The following RABGAP1L variants were observed in gnomAD, a reference collection of about 807,000 sequenced individuals.
RABGAP1L encodes rab GTPase-activating protein 1-like.
RABGAP1L carries 63 observed loss-of-function variants against 137.7 expected under a neutral mutation model. The observed-to-expected ratio is 0.46, with a 90% CI of 0.37 to 0.56. RABGAP1L has a LOEUF of 0.56. Among genes scored for constraint, RABGAP1L ranks in the 20% least tolerant of loss-of-function variants. The probability of loss-of-function intolerance (pLI) is 0.00; values close to 1 mark genes in which losing one functional copy is unlikely to be tolerated. For missense variants in RABGAP1L, 1,095 were observed against 1,244.0 expected (o/e 0.88, Z 1.80); for synonymous variants, 431 against 433.7 (o/e 0.99, Z 0.08).
chr1:174,447,913 GA>G (rs1341869379), intron 13 of RABGAP1L, among the ~76,000 whole-genome samples: 1 of 4,152 alleles, frequency 2.4e-4, no homozygotes, highest in Non-Finnish European at 5.0e-4. Context: ...CCCCCCGCCC[GA>G]AAGCTGAGGT....
chr1:174,306,323 C>T lies in RABGAP1L; in HGVS notation c.1465+1196C>T, dbSNP rs369830808. Among the ~76,000 whole-genome samples, 152 of 152,254 alleles carry T rather than the reference C, an allele frequency of 1.0e-3. 3 individuals carry two copies. The South Asian group carries it at 0.012, about 12-fold the overall frequency. On this transcript the variant is annotated intron_variant, in intron 11 of 25. Transcript: ENST00000681986. ...TCAAATGGTATTTCTAGTTCTAGAT[C>T]CTTGAGGAATCACCACACTGTCTTC... is the stretch of plus-strand genomic sequence containing the variant.
chr1:174,856,912 G>A (rs1649408551), intron 19 of RABGAP1L, among the ~76,000 whole-genome samples: 1 of 151,066 alleles, frequency 6.6e-6, no homozygotes, highest in South Asian at 2.1e-4. Context: ...GGGAGACAGA[G>A]CAAGACTCCG....
chr1:174,786,157 T>G (rs1329888231), intron 18 of RABGAP1L, among the ~76,000 whole-genome samples: 1 of 152,226 alleles, frequency 6.6e-6, no homozygotes, highest in Non-Finnish European at 1.5e-5. Context: ...TGTCATTTTC[T>G]TGAGTTTGAT....
chr1:174,892,896 ATTTTTTTTTTT>A (rs748971722), intron 19 of RABGAP1L, among the ~76,000 whole-genome samples: 5 of 91,870 alleles, frequency 5.4e-5, no homozygotes, highest in Admixed American at 1.4e-4. Context: ...CACCCAGCTA[ATTTTTTTTTTT>A]TTTTTTTTTT....
intron 17 of RABGAP1L, among the ~76,000 whole-genome samples, chr1:174,748,792 T>A (rs1317271694): frequency 6.6e-6 from 1 of 151,694 alleles, no homozygotes; most frequent in Non-Finnish European, 1.5e-5. Flanking sequence ...GAAAGATTGC[T>A]TGAGTTCAAA....
intron 17 of RABGAP1L, among the ~76,000 whole-genome samples, chr1:174,711,873 G>A (rs1019625099): frequency 2.6e-5 from 4 of 152,258 alleles, no homozygotes; most frequent in East Asian, 3.9e-4. Context: ...CTTCTGAGTC[G>A]GGTGGGAACT....
chr1:174,911,211 G>A (rs1423813981), intron 19 of RABGAP1L, among the ~76,000 whole-genome samples: 4 of 152,192 alleles, frequency 2.6e-5, no homozygotes, highest in African/African-American at 9.6e-5. Flanking sequence ...ATATGACACA[G>A]ATATTTTCTT....
intron 19 of RABGAP1L, among the ~76,000 whole-genome samples, chr1:174,914,456 C>T (rs903632200): frequency 2.0e-5 from 3 of 152,094 alleles, no homozygotes; most frequent in African/African-American, 7.2e-5. Context: ...GCCCAATTGA[C>T]AGGAAGGATT....
At chr1:174,188,025 T>G (rs1263311963) in intron 1 of RABGAP1L, among the ~76,000 whole-genome samples, 1 of 152,204 alleles carries the variant, frequency 6.6e-6, no homozygotes, top group Non-Finnish European at 1.5e-5. Context: ...TGTAAAGGTT[T>G]TCTTCTTTAA....
At chr1:174,196,381 G>A (rs1667691517) in intron 1 of RABGAP1L, among the ~76,000 whole-genome samples, 1 of 151,632 alleles carries the variant, frequency 6.6e-6, no homozygotes, top group South Asian at 2.1e-4. Flanking sequence ...CCGCCACCAC[G>A]CCTGGCTAAT....
chr1:174,312,820 T>C (rs1678983208), intron 11 of RABGAP1L, among the ~76,000 whole-genome samples: 1 of 152,220 alleles, frequency 6.6e-6, no homozygotes, highest in Non-Finnish European at 1.5e-5. Flanking sequence ...GATATGGATA[T>C]TCAGTTTTCC....
At chr1:174,751,533 A>G (rs1180475293) in intron 17 of RABGAP1L, among the ~76,000 whole-genome samples, 1 of 152,206 alleles carries the variant, frequency 6.6e-6, no homozygotes, top group Non-Finnish European at 1.5e-5. Context: ...GAAACAGCAC[A>G]TTTTGTAGCA....
intron 13 of RABGAP1L, among the ~76,000 whole-genome samples, chr1:174,558,423 A>G (rs1484713349): frequency 6.6e-6 from 1 of 152,166 alleles, no homozygotes; most frequent in African/African-American, 2.4e-5. Context: ...ACCCAGTTTA[A>G]TCTTGTCTCA....
At chr1:174,342,305 A>G (rs1004054561) in intron 11 of RABGAP1L, among the ~76,000 whole-genome samples, 1 of 152,138 alleles carries the variant, frequency 6.6e-6, no homozygotes, top group Non-Finnish European at 1.5e-5. Flanking sequence ...GAAAATCCCC[A>G]AGTGGATTTT....
chr1:174,371,791 C>T (rs1685132375), intron 12 of RABGAP1L, among the ~76,000 whole-genome samples: 1 of 152,100 alleles, frequency 6.6e-6, no homozygotes, highest in Admixed American at 6.6e-5. Flanking sequence ...ACTACAAAGT[C>T]TGGGCGGAAT....
intron 16 of RABGAP1L, chr1:174,701,049 C>A: frequency 7.7e-7 from 1 of 1,301,986 alleles, no homozygotes. Context: ...TCAAAGAGAG[C>A]ATGTAGTTCA....
At chr1:174,469,481 T>C (rs1657660962) in intron 13 of RABGAP1L, among the ~76,000 whole-genome samples, 1 of 152,214 alleles carries the variant, frequency 6.6e-6, no homozygotes, top group African/African-American at 2.4e-5. Context: ...ACCTTAGTCC[T>C]CCTAAATCAG....
chr1:174,432,633 G>A (rs992204645), intron 13 of RABGAP1L, among the ~76,000 whole-genome samples: 1 of 152,116 alleles, frequency 6.6e-6, no homozygotes, highest in Non-Finnish European at 1.5e-5. Context: ...TGCCTCCTGG[G>A]TTCAGGCAAT....
chr1:174,515,018 A>T (rs1662690146), intron 13 of RABGAP1L, among the ~76,000 whole-genome samples: 1 of 152,166 alleles, frequency 6.6e-6, no homozygotes, highest in Admixed American at 6.5e-5. Context: ...TATTAATATA[A>T]CATTTTTCTG....
Sources: allele counts gnomAD v4.1 joint callset (sites outside exome capture counted in the v4.1 genomes callset), GRCh38; gene constraint gnomAD v4.1.1; transcripts MANE v1.5; gene names NCBI Gene and HGNC (gene_info 2026-07-23, HGNC 2026-07-21).